The following BRF1 variants were observed in gnomAD, a reference collection of about 807,000 sequenced individuals.
BRF1 encodes the protein BRF1 general transcription factor IIIB subunit.
In BRF1, 59 loss-of-function variants were observed where a neutral mutation model predicts 81.7. That is an observed-to-expected ratio of 0.72 (90% CI 0.59 to 0.90). The LOEUF is 0.90. Ranked by LOEUF, BRF1 falls within the 40% of genes least tolerant of loss-of-function variation. The pLI is 0.00. For missense variants in BRF1, 1,050 were observed against 936.3 expected (o/e 1.12, Z -1.58); for synonymous variants, 491 against 395.6 (o/e 1.24, Z -2.86).
In BRF1 at chr14:105,209,400, G is replaced by A; in HGVS notation, c.*1151C>T. ...TACTGAGCTCTGGGCGGGGGTAGGG[G>A]GGTCTGGCCTGCTGCGGGCCAAGTT... On this transcript the variant is annotated 3_prime_UTR_variant, in exon 18 of 18. Coordinates refer to ENST00000547530, the MANE Select transcript of BRF1 (RefSeq NM_001519.4). 4.6e-6 allele frequency: 3 copies of A among 650,906 alleles called. No homozygotes were observed. In the South Asian group the frequency reaches 5.0e-5, roughly 11 times the overall value. The allele number at this position is 650,906 out of a possible 1,614,324, so 40.3% of individuals were successfully genotyped here.
chr14:105,240,838 T>C (rs1165451243), intron 6 of BRF1, among the ~76,000 whole-genome samples: 9 of 97,724 alleles, frequency 9.2e-5, no homozygotes, highest in Non-Finnish European at 1.9e-4. Context: ...CACACCACTA[T>C]CCGCGTAGTC....
intron 3 of BRF1, among the ~76,000 whole-genome samples, chr14:105,267,874 C>T (rs1841897620): frequency 6.6e-6 from 1 of 152,088 alleles, no homozygotes; most frequent in Admixed American, 6.5e-5. Flanking sequence ...CCCCTGCTGA[C>T]CTGAACGGAC....
chr14:105,226,394 T>G, intron 8 of BRF1, 104 bp from the exon 9 acceptor site: 1 of 1,527,992 alleles, frequency 6.5e-7, no homozygotes, highest in Non-Finnish European at 9.0e-7. Context: ...TGCTAGAACT[T>G]AGGGGTACGC....
At chr14:105,253,251 C>T (rs1315232269) in intron 4 of BRF1, among the ~76,000 whole-genome samples, 1 of 152,204 alleles carries the variant, frequency 6.6e-6, no homozygotes, top group Non-Finnish European at 1.5e-5. Context: ...CCGAGTACCC[C>T]TAAGGAGCCC....
intron 1 of BRF1, among the ~76,000 whole-genome samples, chr14:105,297,166 AGTCCAGAAGCT>A (rs967553533): frequency 3.9e-5 from 6 of 152,176 alleles, no homozygotes; most frequent in African/African-American, 1.4e-4. Context: ...TCAAAAAAAA[AGTCCAGAAGCT>A]GTATGCTGAA....
chr14:105,289,876 T>A (rs955065142), intron 1 of BRF1, among the ~76,000 whole-genome samples: 2 of 151,998 alleles, frequency 1.3e-5, no homozygotes, highest in African/African-American at 4.8e-5. Context: ...CCTCAAGTGA[T>A]CCACCCACCT....
At chr14:105,224,350 CAG>C (rs1344311950) in intron 10 of BRF1, among the ~76,000 whole-genome samples, 2 of 152,160 alleles carry the variant, frequency 1.3e-5, no homozygotes, top group Non-Finnish European at 2.9e-5. Flanking sequence ...GCCTGGGTGA[CAG>C]AGTGAGCCTG....
chr14:105,249,391 A>G (rs1456156800), intron 5 of BRF1: 1 of 1,612,984 alleles, frequency 6.2e-7, no homozygotes, highest in South Asian at 1.1e-5. Flanking sequence ...TCCGTCTTCT[A>G]TGCCATGTTC....
rs1187130257 is a variant in BRF1 at position 105,248,556 on chromosome 14, G to GGCGGGTGCGGGT, written c.544+3950_544+3951insACCCGCACCCGC. Reference sequence around the variant, plus strand: ...ACGCAGCGTGACGCACCGGCGCCGCGGCGGGTACGGGCTCGGGCGGGCGGG... The same window carrying GGCGGGTGCGGGT: ...ACGCAGCGTGACGCACCGGCGCCGCGGCGGGTGCGGGTGCGGGTACGGGCTCGGGCGGGCGGG... On this transcript the variant is annotated intron_variant, in intron 5 of 17. Transcript: ENST00000547530. The GGCGGGTGCGGGT allele has an allele frequency of 3.1e-3, 2,553 of 827,582 alleles. 5 individuals are homozygous for GGCGGGTGCGGGT. Among genetic ancestry groups the GGCGGGTGCGGGT allele is most frequent in the East Asian group, 7.5e-3 (43 of 5,770 alleles). 51.3% of individuals were successfully genotyped at this position (827,582 alleles called of 1,614,324 possible). A position where few individuals can be genotyped will look rare whatever the true frequency, so the allele number is the denominator to read the frequency against.
Position 105,315,068 on chromosome 14 carries a change from C to G in BRF1, c.-162+254G>C. On this transcript the variant is annotated intron_variant, in intron 1 of 17. Transcript: ENST00000327359. This position sits in a 1 kb window ranked among gnomAD's most constrained non-coding sequence, Gnocchi z 4.4. ...CGCCGCCCGCCGCGCTTTGTTCCCG[C>G]CGGGCACCTGCTGGGGGTGTCCTGG... is the stretch of plus-strand genomic sequence containing the variant. The G allele has an allele frequency of 8.8e-7, 1 of 1,132,920 alleles. No individual in the cohort carries two copies. The highest frequency in any genetic ancestry group is 1.1e-6 in the Non-Finnish European group (1 of 916,950). The allele number at this position is 1,132,920 out of a possible 1,614,324, so 70.2% of individuals were successfully genotyped here. A position where few individuals can be genotyped will look rare whatever the true frequency, so the allele number is the denominator to read the frequency against.
At chr14:105,293,904 G>T (rs2057625171) in intron 1 of BRF1, among the ~76,000 whole-genome samples, 1 of 152,170 alleles carries the variant, frequency 6.6e-6, no homozygotes, top group Non-Finnish European at 1.5e-5. Flanking sequence ...CAATTAATAG[G>T]CAAAACACCT....
intron 6 of BRF1, among the ~76,000 whole-genome samples, chr14:105,240,826 G>A (rs587687613): frequency 1.9e-5 from 1 of 51,754 alleles, no homozygotes; most frequent in Admixed American, 1.4e-4. Context: ...GGAGAGAGAG[G>A]CCACACCACT....
At chr14:105,273,264 C>A (rs1370089814) in intron 2 of BRF1, among the ~76,000 whole-genome samples, 4 of 152,200 alleles carry the variant, frequency 2.6e-5, no homozygotes, top group African/African-American at 9.7e-5. Context: ...AGTGGGAATG[C>A]CCCTTTTCCT....
intron 13 of BRF1, 21 bp from the exon 14 acceptor site, chr14:105,219,074 C>T (rs1162166678): frequency 1.4e-5 from 22 of 1,613,808 alleles, no homozygotes; most frequent in Non-Finnish European, 1.6e-5. Context: ...AGAAAGGGGG[C>T]CAGCGTCACT....
intron 3 of BRF1, among the ~76,000 whole-genome samples, chr14:105,263,990 T>C (rs587654331): frequency 6.6e-6 from 1 of 151,120 alleles, no homozygotes; most frequent in African/African-American, 2.4e-5. Context: ...CTCTGTAATA[T>C]TTTAGACCTA....
chr14:105,263,439 C>T (rs1490283637), intron 3 of BRF1, among the ~76,000 whole-genome samples: 1 of 152,046 alleles, frequency 6.6e-6, no homozygotes, highest in Non-Finnish European at 1.5e-5. Context: ...GAGCCACAGG[C>T]ACCAGGCTGA....
intron 3 of BRF1, among the ~76,000 whole-genome samples, chr14:105,265,033 G>T (rs2056338506): frequency 1.3e-5 from 2 of 148,412 alleles, no homozygotes; most frequent in African/African-American, 2.5e-5. Flanking sequence ...CAAGTCATAA[G>T]TTCTACTTAT....
intron 3 of BRF1, among the ~76,000 whole-genome samples, chr14:105,262,225 C>T (rs1320910805): frequency 2.0e-5 from 3 of 152,214 alleles, no homozygotes; most frequent in Admixed American, 2.0e-4. Flanking sequence ...CCTCAGCACC[C>T]CAAGAGCAGG....
intron 5 of BRF1, among the ~76,000 whole-genome samples, chr14:105,244,340 A>G (rs1202865637): frequency 6.6e-6 from 1 of 152,138 alleles, no homozygotes; most frequent in Non-Finnish European, 1.5e-5. Flanking sequence ...GCTACTTGGG[A>G]GGCTGAGGTG....
Sources: gnomAD v4.1 joint callset for allele counts (sites outside exome capture counted in the v4.1 genomes callset) on GRCh38, gnomAD v4.1.1 for gene constraint, Gnocchi (gnomAD v3.1) non-coding constraint, MANE v1.5 for transcripts, NCBI Gene and HGNC (gene_info 2026-07-23, HGNC 2026-07-21) for gene names.